The following FGF14 variants were observed in gnomAD, a reference collection of about 807,000 sequenced individuals.
FGF14 encodes the protein fibroblast growth factor homologous factor 4.
Under a neutral mutation model 25.5 loss-of-function variants are expected in FGF14, and 5 were observed. The observed-to-expected ratio is 0.20, with a 90% CI of 0.10 to 0.41. The LOEUF (loss-of-function observed/expected upper bound fraction) is 0.41. Ranked by LOEUF, FGF14 falls within the 10% of genes least tolerant of loss-of-function variation. FGF14 has a pLI of 1.00. For missense variants in FGF14, 222 were observed against 320.1 expected (o/e 0.69, Z 2.34); for synonymous variants, 138 against 118.3 (o/e 1.17, Z -1.08).
chr13:102,167,383 T>C (rs1387183226), intron 1 of FGF14, among the ~76,000 whole-genome samples: 1 of 150,968 alleles, frequency 6.6e-6, no homozygotes, highest in Non-Finnish European at 1.5e-5. Flanking sequence ...TGGTACCAAG[T>C]TCCAGACCAG....
chr13:102,165,932 G>A (rs1459247558), intron 1 of FGF14, among the ~76,000 whole-genome samples: 3 of 151,612 alleles, frequency 2.0e-5, no homozygotes, highest in African/African-American at 7.3e-5. Flanking sequence ...AAAAAAATGT[G>A]ATTACAGGTA....
intron 1 of FGF14, among the ~76,000 whole-genome samples, chr13:101,936,382 T>TA (rs754877339): frequency 7.2e-4 from 109 of 152,334 alleles, no homozygotes; most frequent in Admixed American, 1.2e-3. Flanking sequence ...GTCCATACCT[T>TA]AGGCCACGTC....
rs151050236 is a variant in FGF14, at chr13:101,991,389, G to T, written c.209-116093C>A. 4.7e-4 allele frequency among the ~76,000 whole-genome samples: 71 copies of T among 152,142 alleles called. No homozygotes were observed. The Middle Eastern group carries it at 0.014, about 29-fold the overall frequency. ...TTTAAAAAAAAGTTTGAATTCAGTT[G>T]GATTGTTGCTAGATTAAGGAGAATA... is the stretch of plus-strand genomic sequence containing the variant. On this transcript the variant is annotated intron_variant, in intron 1 of 4. Coordinates refer to the FGF14 transcript ENST00000376131.
At chr13:102,354,124 G>T (rs1254727746) in intron 1 of FGF14, 1 of 152,132 alleles carries the variant, frequency 6.6e-6, no homozygotes, top group African/African-American at 2.4e-5. Context: ...CTCACAATTT[G>T]CCCACTAGGA....
chr13:102,220,992 T>C (rs2050585860), intron 1 of FGF14, among the ~76,000 whole-genome samples: 1 of 152,214 alleles, frequency 6.6e-6, no homozygotes, highest in Admixed American at 6.5e-5. Context: ...TAAAAGTGAA[T>C]GACAGTTTAA....
At chr13:101,803,742 T>C (rs1411870535) in intron 3 of FGF14, among the ~76,000 whole-genome samples, 3 of 152,096 alleles carry the variant, frequency 2.0e-5, no homozygotes, top group African/African-American at 4.8e-5. Flanking sequence ...GCATGAGGAA[T>C]TGGACAGATG....
Position 102,400,408 on chromosome 13 carries a change from A to G in FGF14, c.208+1063T>C, listed in dbSNP as rs1290966562. Among the ~76,000 whole-genome samples the G allele has an allele frequency of 6.6e-6, 1 of 152,038 alleles. No individual in the cohort carries two copies. Among genetic ancestry groups the G allele is most frequent in the Non-Finnish European group, 1.5e-5 (1 of 68,004 alleles). Reference sequence around the variant, plus strand: ...TCTCCACCCTGAACGGAGCTAGGGGACGCCACACACTCCCGGCTGCCAGCG... The same window carrying G: ...TCTCCACCCTGAACGGAGCTAGGGGGCGCCACACACTCCCGGCTGCCAGCG... On this transcript the variant is annotated intron_variant, in intron 1 of 4. Transcript: ENST00000376131. This position sits in a 1 kb window ranked among gnomAD's most constrained non-coding sequence, Gnocchi z 4.3.
chr13:101,820,804 A>C (rs1181443389), intron 3 of FGF14, among the ~76,000 whole-genome samples: 2 of 67,428 alleles, frequency 3.0e-5, no homozygotes, highest in East Asian at 4.6e-4. Flanking sequence ...ACACACACAC[A>C]CAACACACAC....
intron 1 of FGF14, among the ~76,000 whole-genome samples, chr13:102,063,205 T>C (rs980812931): frequency 5.9e-5 from 9 of 152,240 alleles, no homozygotes; most frequent in Non-Finnish European, 8.8e-5. Context: ...AAAATGGTAC[T>C]ATAAACCAAT....
rs187693783 is a variant in FGF14, at chr13:101,875,706, T to C, written c.194-410A>G. ...AAAAGGTTTTTTAATGGAGTTCTCC[T>C]TTTACTTAAGTTGACAAGTATTCCC... On this transcript the variant is annotated intron_variant, in intron 1 of 4. Coordinates refer to ENST00000376143, the MANE Select transcript of FGF14 (RefSeq NM_004115.4). Among the ~76,000 whole-genome samples, 4 of 152,212 alleles carry C rather than the reference T, an allele frequency of 2.6e-5. No homozygotes were observed. In the East Asian group the frequency reaches 7.7e-4, roughly 29 times the overall value.
At chr13:101,986,019 T>A (rs1397803474) in intron 1 of FGF14, among the ~76,000 whole-genome samples, 1 of 152,076 alleles carries the variant, frequency 6.6e-6, no homozygotes, top group South Asian at 2.1e-4. Flanking sequence ...CAGATGAAAA[T>A]CCAATTTCAA....
chr13:101,818,587 A>G (rs961103798), intron 3 of FGF14, among the ~76,000 whole-genome samples: 1 of 152,232 alleles, frequency 6.6e-6, no homozygotes, highest in Non-Finnish European at 1.5e-5. Flanking sequence ...GGGTAATACA[A>G]CTATATGCTT....
intron 1 of FGF14, among the ~76,000 whole-genome samples, chr13:102,194,709 A>C (rs937271115): frequency 6.6e-6 from 1 of 152,218 alleles, no homozygotes; most frequent in Non-Finnish European, 1.5e-5. Context: ...ACAGTAACCA[A>C]ATTTTCAAAA....
intron 1 of FGF14, among the ~76,000 whole-genome samples, chr13:102,268,490 A>C (rs1205491091): frequency 6.6e-6 from 1 of 152,086 alleles, no homozygotes; most frequent in Non-Finnish European, 1.5e-5. Flanking sequence ...AATACATTAT[A>C]TACATATATA....
intron 1 of FGF14, among the ~76,000 whole-genome samples, chr13:102,268,072 T>C (rs946433412): frequency 4.6e-5 from 7 of 152,046 alleles, no homozygotes; most frequent in African/African-American, 1.7e-4. Flanking sequence ...AATCAATAAA[T>C]GTAAATGGAA....
chr13:101,807,464 C>A (rs2041264823), intron 3 of FGF14, among the ~76,000 whole-genome samples: 2 of 152,024 alleles, frequency 1.3e-5, no homozygotes, highest in South Asian at 4.1e-4. Context: ...GGTATCAAAG[C>A]AATATGATAT....
At chr13:102,161,625 G>GTC in intron 1 of FGF14, among the ~76,000 whole-genome samples, 19 of 15,766 alleles carry the variant, frequency 1.2e-3, no homozygotes, top group African/African-American at 9.4e-3. Flanking sequence ...AGAAGAAGAA[G>GTC]AAGAAGAAGA....
intron 1 of FGF14, among the ~76,000 whole-genome samples, chr13:102,161,635 A>AAGAAGAAGAAGG (rs2047716413): frequency 8.8e-5 from 1 of 11,402 alleles, no homozygotes; most frequent in Admixed American, 1.4e-3. Context: ...GAAGAAGAAG[A>AAGAAGAAGAAGG]AGAAGAAGAA....
chr13:101,998,189 A>T (rs56203134), intron 1 of FGF14, among the ~76,000 whole-genome samples: 8,335 of 152,266 alleles, frequency 0.055, 278 homozygotes, highest in Middle Eastern at 0.085. Flanking sequence ...CTAATGGAAA[A>T]ATGAAAGATA....
Sources: allele counts gnomAD v4.1 joint callset (sites outside exome capture counted in the v4.1 genomes callset), GRCh38; gene constraint gnomAD v4.1.1; non-coding constraint Gnocchi (gnomAD v3.1); transcripts MANE v1.5; gene names NCBI Gene and HGNC (gene_info 2026-07-23, HGNC 2026-07-21).